Variants in PKHD1 observed in about 807,000 individuals in gnomAD.
PKHD1 encodes the protein fibrocystin.
PKHD1 carries 291 observed loss-of-function variants against 412.0 expected under a neutral mutation model. The ratio of observed to expected loss-of-function variants is 0.71; its 90% CI spans 0.64 to 0.78. The LOEUF (loss-of-function observed/expected upper bound fraction) is 0.78, where lower values mean the gene tolerates loss of function less well. PKHD1 is among the 30% of genes least tolerant of loss of function. The pLI, the probability that PKHD1 is intolerant of heterozygous loss-of-function variation, is 0.00. For synonymous variants in PKHD1, 1,777 were observed against 1,821.5 expected, an observed-to-expected ratio of 0.98 and a Z score of 0.62; for missense variants, 4,825 against 4,950.7, an observed-to-expected ratio of 0.97 and a Z score of 0.76.
chr6:51,751,622 A>G (rs756676007), intron 57 of PKHD1, among the ~76,000 whole-genome samples: 1 of 152,180 alleles, frequency 6.6e-6, no homozygotes, highest in Non-Finnish European at 1.5e-5. Flanking sequence ...CGAATCTACC[A>G]CTTACTACTT....
chr6:51,893,097 C>T (rs1779360430), intron 43 of PKHD1, among the ~76,000 whole-genome samples: 1 of 152,184 alleles, frequency 6.6e-6, no homozygotes, highest in African/African-American at 2.4e-5. Context: ...CTTAAACACC[C>T]ACCTTGTCTG....
rs746935446 is a variant in PKHD1 at position 52,043,648 on chromosome 6, A to T, written c.2798T>A (p.Val933Asp). The stretch of plus-strand genomic sequence containing the variant: ...ACCAATGGAGTACCACACAGAATGG[A>T]CACAGGGAGTTGACCCTTGGAGGTA... Reference protein sequence around the residue: ...FQYLQGSTPCVHSVWYSIDGD... With the variant: ...FQYLQGSTPCDHSVWYSIDGD... The change falls in exon 26 of 67, where the codon GTC becomes GAC. Residue 933 changes from valine (V) to aspartate (D), a missense_variant. By Grantham distance (152) the Val-to-Asp change is radical. Coordinates refer to ENST00000371117, the MANE Select transcript of PKHD1 (RefSeq NM_138694.4). The T allele has an allele frequency of 1.9e-6, 3 of 1,612,324 alleles. No individual in the cohort carries two copies. Among genetic ancestry groups the T allele is most frequent in the South Asian group, 2.2e-5 (2 of 91,062 alleles).
chr6:51,935,267 TC>T (rs1561923862), intron 36 of PKHD1, among the ~76,000 whole-genome samples: 1 of 152,232 alleles, frequency 6.6e-6, no homozygotes, highest in Non-Finnish European at 1.5e-5. Context: ...ACAAGAATAT[TC>T]GTTTATAATA....
intron 27 of PKHD1, among the ~76,000 whole-genome samples, chr6:52,039,403 G>A (rs1804467179): frequency 6.6e-6 from 1 of 152,182 alleles, no homozygotes; most frequent in Admixed American, 6.5e-5. Flanking sequence ...AAACCTGGTT[G>A]TTTAAAAGTG....
chr6:51,701,438 G>A (rs968328038), intron 60 of PKHD1, among the ~76,000 whole-genome samples: 1 of 152,008 alleles, frequency 6.6e-6, no homozygotes, highest in Non-Finnish European at 1.5e-5. Flanking sequence ...ATTTATTTCT[G>A]AGCATATTCC....
At chr6:52,036,439 G>A (rs1347294399) in intron 27 of PKHD1, among the ~76,000 whole-genome samples, 2 of 152,234 alleles carry the variant, frequency 1.3e-5, no homozygotes, top group Non-Finnish European at 2.9e-5. Context: ...TTTCCATGTG[G>A]AGGAGCAGCC....
chr6:51,810,077 T>C (rs1410409619), intron 52 of PKHD1, among the ~76,000 whole-genome samples: 1 of 152,114 alleles, frequency 6.6e-6, no homozygotes, highest in African/African-American at 2.4e-5. Flanking sequence ...TATGGACTTC[T>C]TGTAAACACC....
intron 60 of PKHD1, among the ~76,000 whole-genome samples, chr6:51,727,220 T>C (rs1481943770): frequency 1.3e-5 from 2 of 152,156 alleles, no homozygotes; most frequent in Non-Finnish European, 2.9e-5. Flanking sequence ...CTCTTTTCTC[T>C]TCCAGTCTCG....
At chr6:51,791,440 T>A (rs1402657657) in intron 52 of PKHD1, 67 bp from the exon 53 acceptor site, 1 of 1,456,814 alleles carries the variant, frequency 6.9e-7, no homozygotes, top group Non-Finnish European at 9.6e-7. Flanking sequence ...ATTCTGGGGT[T>A]CTCCCAGCAG....
chr6:52,083,381 T>C (rs898386019), intron 2 of PKHD1, 126 bp from the exon 3 acceptor site: 2 of 724,288 alleles, frequency 2.8e-6, no homozygotes, highest in Admixed American at 2.0e-5. Context: ...GCACAGGTGG[T>C]TGCACCACAT....
chr6:51,900,097 G>A (rs550286096), intron 43 of PKHD1, among the ~76,000 whole-genome samples: 1 of 151,888 alleles, frequency 6.6e-6, no homozygotes, highest in Non-Finnish European at 1.5e-5. Flanking sequence ...ACTGCCCAAG[G>A]TAATTTACAG....
At chr6:51,727,516 T>C (rs1034706602) in intron 60 of PKHD1, among the ~76,000 whole-genome samples, 1 of 152,218 alleles carries the variant, frequency 6.6e-6, no homozygotes, top group African/African-American at 2.4e-5. Flanking sequence ...ACTGTGATAC[T>C]AGGACTTTAC....
chr6:51,663,332 T>C (rs915248245), intron 60 of PKHD1, among the ~76,000 whole-genome samples: 5 of 152,132 alleles, frequency 3.3e-5, no homozygotes, highest in African/African-American at 1.2e-4. Flanking sequence ...ACTTCTCATC[T>C]AAGAGATATA....
chr6:52,012,461 C>T (rs1381979097), intron 34 of PKHD1, among the ~76,000 whole-genome samples: 1 of 152,174 alleles, frequency 6.6e-6, no homozygotes, highest in Non-Finnish European at 1.5e-5. Flanking sequence ...TAAATCCATT[C>T]GCTGATCCTT....
At chr6:52,018,552 G>A (rs866444468) in intron 33 of PKHD1, among the ~76,000 whole-genome samples, 10 of 151,990 alleles carry the variant, frequency 6.6e-5, no homozygotes, top group Admixed American at 1.3e-4. Context: ...ACAGAGTTTC[G>A]CTGTGTTGCC....
Position 51,747,860 on chromosome 6 carries a change from TG to T in PKHD1, c.9755del (p.Pro3252GlnfsTer12). ...GCCATGGCTCCTGAGGCCACTGATT[TG>T]GTTCTGAGGTGAATACAGGCCACAG... ...GILWPVFTSE[P>X]NQWPQEPWHK... On this transcript the variant is annotated frameshift_variant, in exon 58 of 67. Coordinates refer to ENST00000371117, the MANE Select transcript of PKHD1 (RefSeq NM_138694.4). LOFTEE classifies it high-confidence loss of function. 2.5e-6 allele frequency: 4 copies of T among 1,613,826 alleles called. No individual in the cohort carries two copies. The highest frequency in any genetic ancestry group is 3.4e-6 in the Non-Finnish European group (4 of 1,179,750).
At chr6:51,688,502 AAC>A (rs1022323176) in intron 60 of PKHD1, among the ~76,000 whole-genome samples, 1 of 151,948 alleles carries the variant, frequency 6.6e-6, no homozygotes. Flanking sequence ...AAGAGATAGA[AAC>A]ACACACAAAA....
At chr6:51,840,465 A>G (rs549055294) in intron 50 of PKHD1, among the ~76,000 whole-genome samples, 1 of 152,262 alleles carries the variant, frequency 6.6e-6, no homozygotes, top group South Asian at 2.1e-4. Context: ...ATTAGCCACA[A>G]TCCTGAAAGT....
At position 52,082,134 on chromosome 6, in the gene PKHD1, C is replaced by CA. The variant is rs369269219; in HGVS notation, c.281+257dup. Reference sequence around the variant, plus strand: ...ATCTTAATAGCCATAGAACTCTTTGCAAAAAAAAACAAATGGAAACACAAT... The same window carrying CA: ...ATCTTAATAGCCATAGAACTCTTTGCAAAAAAAAAACAAATGGAAACACAAT... On this transcript the variant is annotated intron_variant, in intron 4 of 66. Transcript: ENST00000371117. Among the ~76,000 whole-genome samples, 86 of 148,742 alleles carry CA rather than the reference C, an allele frequency of 5.8e-4. 1 individual carries two copies. Among genetic ancestry groups the CA allele is most frequent in the South Asian group, 1.7e-3 (8 of 4,692 alleles).
Sources: gnomAD v4.1 joint callset for allele counts (sites outside exome capture counted in the v4.1 genomes callset) on GRCh38, gnomAD v4.1.1 for gene constraint, MANE v1.5 for transcripts, NCBI Gene and HGNC (gene_info 2026-07-23, HGNC 2026-07-21) for gene names.